Variants in MEGF9 observed in about 807,000 individuals in gnomAD.
MEGF9 encodes the protein multiple EGF like domains 9.
In MEGF9, 6 loss-of-function variants were observed where a neutral mutation model predicts 46.8. The observed-to-expected ratio is 0.13, with a 90% CI of 0.07 to 0.25. The LOEUF is 0.25. MEGF9 is among the 10% of genes least tolerant of loss of function. The pLI is 1.00. For missense variants in MEGF9, 683 were observed against 792.4 expected (o/e 0.86, Z 1.66); for synonymous variants, 302 against 330.7 (o/e 0.91, Z 0.94).
chr9:120,670,267 TTG>T (rs2043742748), intron 1 of MEGF9, among the ~76,000 whole-genome samples: 1 of 152,100 alleles, frequency 6.6e-6, no homozygotes, highest in Non-Finnish European at 1.5e-5. Flanking sequence ...TGGCTAATTT[TTG>T]TATTTTTAGT....
chr9:120,639,457 G>GA (rs1304238017), intron 2 of MEGF9, among the ~76,000 whole-genome samples: 2 of 146,518 alleles, frequency 1.4e-5, no homozygotes, highest in Non-Finnish European at 3.0e-5. Context: ...GCAATGAGCC[G>GA]AGATTGTGCC....
rs561166147 is a variant in MEGF9, at chr9:120,601,389, C to T, written c.*3801G>A. The T allele has an allele frequency of 6.6e-6, 1 of 152,308 alleles. No individual in the cohort carries two copies. The highest frequency in any genetic ancestry group is 2.1e-4 in the South Asian group (1 of 4,828). 9.4% of individuals were successfully genotyped at this position (152,308 alleles called of 1,614,324 possible). A position where few individuals can be genotyped will look rare whatever the true frequency, so the allele number is the denominator to read the frequency against. On this transcript the variant is annotated 3_prime_UTR_variant, in exon 6 of 6. Transcript: ENST00000373930. Reference sequence around the variant, plus strand: ...AATGATCTAATAACCCCATTCCAATCAAAGCTGTCAAGAGGAAGTATTGTT... The same window carrying T: ...AATGATCTAATAACCCCATTCCAATTAAAGCTGTCAAGAGGAAGTATTGTT...
intron 3 of MEGF9, among the ~76,000 whole-genome samples, chr9:120,621,845 G>A (rs1446384255): frequency 6.6e-6 from 1 of 152,074 alleles, no homozygotes; most frequent in East Asian, 1.9e-4. Context: ...AGGGTGGACT[G>A]TAATTTTAGT....
chr9:120,621,150 T>C (rs1423535983), intron 3 of MEGF9, among the ~76,000 whole-genome samples: 6 of 152,190 alleles, frequency 3.9e-5, no homozygotes, highest in Admixed American at 1.3e-4. Flanking sequence ...CTAAATGTGG[T>C]TTTCTTTGTT....
chr9:120,637,366 G>A (rs1032752142), intron 2 of MEGF9, among the ~76,000 whole-genome samples: 2 of 151,260 alleles, frequency 1.3e-5, no homozygotes, highest in Admixed American at 6.6e-5. Context: ...CTCCACTATC[G>A]TCCTATGACC....
intron 2 of MEGF9, among the ~76,000 whole-genome samples, chr9:120,635,926 T>C (rs375829974): frequency 1.9e-4 from 29 of 152,276 alleles, no homozygotes; most frequent in Admixed American, 5.9e-4. Flanking sequence ...GTGCACCTGG[T>C]GGAACAATCA....
At chr9:120,622,869 T>C in intron 2 of MEGF9, 114 bp from the exon 3 acceptor site, 2 of 1,008,140 alleles carry the variant, frequency 2.0e-6, no homozygotes, top group East Asian at 2.6e-5. Flanking sequence ...ATACTTACCA[T>C]ATCTCAAAGC....
intron 2 of MEGF9, among the ~76,000 whole-genome samples, chr9:120,648,991 A>C (rs1184073387): frequency 3.9e-5 from 6 of 152,182 alleles, no homozygotes. Flanking sequence ...GGACCTTCCC[A>C]CCATACCGAA....
chr9:120,695,648 T>C (rs1383854831), intron 1 of MEGF9, among the ~76,000 whole-genome samples: 4 of 143,492 alleles, frequency 2.8e-5, no homozygotes, highest in Admixed American at 6.9e-5. Context: ...TCAAAAACTA[T>C]GTAATGTTAG....
At chr9:120,631,941 T>G (rs972046780) in intron 2 of MEGF9, among the ~76,000 whole-genome samples, 1 of 151,862 alleles carries the variant, frequency 6.6e-6, no homozygotes, top group Non-Finnish European at 1.5e-5. Context: ...CTCCTCCTCT[T>G]TTTTTGAGAT....
intron 1 of MEGF9, among the ~76,000 whole-genome samples, chr9:120,679,537 T>C (rs2043788983): frequency 6.6e-6 from 1 of 151,868 alleles, no homozygotes; most frequent in Non-Finnish European, 1.5e-5. Flanking sequence ...GACGAGTTAA[T>C]GGGTGCACCA....
At chr9:120,671,840 T>A (rs1417533266) in intron 1 of MEGF9, among the ~76,000 whole-genome samples, 1 of 152,152 alleles carries the variant, frequency 6.6e-6, no homozygotes, top group Non-Finnish European at 1.5e-5. Flanking sequence ...CTTGTGAACA[T>A]CTTGGATCAA....
intron 3 of MEGF9, among the ~76,000 whole-genome samples, chr9:120,615,401 TA>T (rs1365158685): frequency 6.6e-6 from 1 of 151,450 alleles, no homozygotes; most frequent in African/African-American, 2.4e-5. Flanking sequence ...CTATTCTAAA[TA>T]AGACTCCACA....
chr9:120,623,352 G>A (rs1225057924), intron 2 of MEGF9, among the ~76,000 whole-genome samples: 1 of 152,152 alleles, frequency 6.6e-6, no homozygotes, highest in Non-Finnish European at 1.5e-5. Flanking sequence ...CTCCAGTGAT[G>A]GTGTTTATGC....
At chr9:120,645,248 A>G (rs1186341566) in intron 2 of MEGF9, among the ~76,000 whole-genome samples, 1 of 152,250 alleles carries the variant, frequency 6.6e-6, no homozygotes, top group Admixed American at 6.5e-5. Flanking sequence ...ACCGGCTTAC[A>G]CAATGAGATG....
At chr9:120,685,134 G>C (rs533774843) in intron 1 of MEGF9, among the ~76,000 whole-genome samples, 24 of 152,152 alleles carry the variant, frequency 1.6e-4, no homozygotes, top group Admixed American at 3.3e-4. Context: ...ACACCCGGCC[G>C]GGAGGCTTCA....
chr9:120,636,191 G>A (rs895716245), intron 2 of MEGF9, among the ~76,000 whole-genome samples: 1 of 152,122 alleles, frequency 6.6e-6, no homozygotes, highest in African/African-American at 2.4e-5. Context: ...ACCCATCTTG[G>A]CCTCCCAAAG....
At chr9:120,693,291 A>AG (rs2043859208) in intron 1 of MEGF9, among the ~76,000 whole-genome samples, 2 of 150,198 alleles carry the variant, frequency 1.3e-5, no homozygotes, top group African/African-American at 4.9e-5. Flanking sequence ...AAAAAAAAAA[A>AG]AAAGAAGAAG....
At chr9:120,691,999 T>G (rs964743695) in intron 1 of MEGF9, among the ~76,000 whole-genome samples, 1 of 152,222 alleles carries the variant, frequency 6.6e-6, no homozygotes, top group Admixed American at 6.5e-5. Context: ...TGATCTTGAG[T>G]AAGTTAAATA....
Sources: allele counts gnomAD v4.1 joint callset (sites outside exome capture counted in the v4.1 genomes callset), GRCh38; gene constraint gnomAD v4.1.1; transcripts MANE v1.5; gene names NCBI Gene and HGNC (gene_info 2026-07-23, HGNC 2026-07-21).